The following VPS13B variants were observed in gnomAD, a reference collection of about 807,000 sequenced individuals.
The protein encoded by VPS13B is vacuolar protein sorting 13 homolog B, also known as intermembrane lipid transfer protein VPS13B.
VPS13B carries 285 observed loss-of-function variants against 426.4 expected under a neutral mutation model. The observed-to-expected ratio is 0.67, with a 90% CI of 0.61 to 0.74. VPS13B has a LOEUF of 0.74. Among genes scored for constraint, VPS13B ranks in the 30% least tolerant of loss-of-function variants. The probability of loss-of-function intolerance (pLI) is 0.00; values close to 1 mark genes in which losing one functional copy is unlikely to be tolerated. For synonymous variants in VPS13B, 1,676 were observed against 1,676.4 expected (o/e 1.00, Z 0.01); for missense variants, 4,537 against 4,782.6 (o/e 0.95, Z 1.51).
chr8:99,273,159 G>GTT lies in VPS13B; in HGVS notation c.2516-1022_2516-1021dup, dbSNP rs757322206. ...TTCAGAGAATTTGTTTACTCAGGTAGTTTTTTTTTTTTTTTTTTGAGATGG... is the reference window on the plus strand; with the variant it reads ...TTCAGAGAATTTGTTTACTCAGGTAGTTTTTTTTTTTTTTTTTTTTGAGATGG... On this transcript the variant is annotated intron_variant, in intron 17 of 61. Transcript: ENST00000357162. 8.7e-4 allele frequency among the ~76,000 whole-genome samples: 112 copies of GTT among 129,426 alleles called. 1 individual carries two copies. Among genetic ancestry groups the GTT allele is most frequent in the African/African-American group, 1.4e-3 (49 of 35,454 alleles). The allele number at this position is 129,426 out of a possible 152,430, so 84.9% of individuals were successfully genotyped here.
intron 51 of VPS13B, among the ~76,000 whole-genome samples, chr8:99,824,889 C>G (rs1365526940): frequency 6.6e-6 from 1 of 152,030 alleles, no homozygotes; most frequent in Admixed American, 6.6e-5. Flanking sequence ...CATCCATGTC[C>G]CTGAAAAGGA....
rs1249571800 is a variant in VPS13B, at chr8:99,142,976, T to C, written c.1654T>C (p.Ser552Pro). 6.2e-7 allele frequency: 1 copy of C among 1,612,988 alleles called. No homozygotes were observed. The stretch of plus-strand genomic sequence containing the variant: ...ATATAAAATTTGACTTCTTTTAGGT[T>C]CCACAAATCAACAAGACTTTTCTTC... ...YTMENTSGKG[S>P]TNQQDFSSGK... The change falls in exon 13 of 62, where the codon TCC (serine) becomes CCC (proline). Residue 552 changes from serine (S) to proline (P), a missense_variant and splice_region_variant. Ser to Pro is a moderately conservative substitution (Grantham distance 74, BLOSUM62 -1). Around this residue, in one of 2 missense-constraint regions of VPS13B, gnomAD observed 4,311 missense variants for 4,474.3 expected, o/e 0.96. Coordinates refer to ENST00000357162, the MANE Select transcript of VPS13B (RefSeq NM_152564.5).
intron 17 of VPS13B, chr8:99,240,721 C>T (rs1816880663): frequency 6.6e-6 from 1 of 152,640 alleles, no homozygotes; most frequent in Admixed American, 6.5e-5. Context: ...CTTTCTCCAG[C>T]TATTCTAACA....
intron 32 of VPS13B, 118 bp downstream of exon 32, chr8:99,575,902 G>T: frequency 1.0e-6 from 1 of 993,606 alleles, no homozygotes; most frequent in South Asian, 1.4e-5. Flanking sequence ...TAATAATAAT[G>T]GCTACTATCA....
At chr8:99,063,549 G>A (rs1399654088) in intron 3 of VPS13B, among the ~76,000 whole-genome samples, 1 of 152,210 alleles carries the variant, frequency 6.6e-6, no homozygotes, top group African/African-American at 2.4e-5. Flanking sequence ...GGCTTGAGTA[G>A]GTAAACAAAG....
intron 39 of VPS13B, among the ~76,000 whole-genome samples, chr8:99,752,188 A>AT (rs1231946830): frequency 2.0e-5 from 3 of 152,270 alleles, no homozygotes; most frequent in African/African-American, 4.8e-5. Flanking sequence ...AAAAAAAAAA[A>AT]GTACATTTTA....
In VPS13B at chr8:99,028,511, GCGGGGGGC is replaced by G. The variant is rs1429761895; in HGVS notation, c.148-9911_148-9904del. On this transcript the variant is annotated intron_variant, in intron 2 of 61. Transcript: ENST00000357162. ...CCTCCTGGATGGGGCGGCTGGCCGG[GCGGGGGGC>G]TGACCCCCCCCCCCACCTCCCTCCC... Among the ~76,000 whole-genome samples, 41 of 51,880 alleles carry G rather than the reference GCGGGGGGC, an allele frequency of 7.9e-4. 3 individuals are homozygous for G. Among genetic ancestry groups the G allele is most frequent in the African/African-American group, 3.1e-3 (34 of 11,006 alleles). 34.0% of individuals were successfully genotyped at this position (51,880 alleles called of 152,430 possible).
chr8:99,649,511 T>A (rs780732424), intron 34 of VPS13B, among the ~76,000 whole-genome samples: 1 of 152,136 alleles, frequency 6.6e-6, no homozygotes, highest in African/African-American at 2.4e-5. Flanking sequence ...TAAGAACTTA[T>A]ATTTCAATTC....
chr8:99,772,094 C>G (rs1811526158), intron 40 of VPS13B, among the ~76,000 whole-genome samples: 1 of 152,220 alleles, frequency 6.6e-6, no homozygotes, highest in African/African-American at 2.4e-5. Context: ...CTTGCATACA[C>G]AGTCCCTGAA....
chr8:99,030,101 C>A (rs1210352494), intron 2 of VPS13B, among the ~76,000 whole-genome samples: 5 of 116,956 alleles, frequency 4.3e-5, no homozygotes, highest in Non-Finnish European at 7.2e-5. Flanking sequence ...TATGCTTTGT[C>A]TGTTCTCTTC....
chr8:99,499,301 C>T (rs1821101480), intron 25 of VPS13B, among the ~76,000 whole-genome samples: 1 of 152,100 alleles, frequency 6.6e-6, no homozygotes, highest in African/African-American at 2.4e-5. Flanking sequence ...ACTGAAACTG[C>T]ATGAGGAAGT....
chr8:99,295,006 G>A (rs1021129147), intron 19 of VPS13B, among the ~76,000 whole-genome samples: 32 of 151,954 alleles, frequency 2.1e-4, no homozygotes, highest in Non-Finnish European at 4.4e-5. Context: ...AATATTTGTT[G>A]GTATTAGAAA....
At chr8:99,632,839 T>C (rs2133914147) in intron 33 of VPS13B, among the ~76,000 whole-genome samples, 1 of 152,130 alleles carries the variant, frequency 6.6e-6, no homozygotes, top group Admixed American at 6.6e-5. Context: ...CTAATACAAG[T>C]TTGCAAATGA....
chr8:99,540,927 G>A (rs914311013), intron 30 of VPS13B, among the ~76,000 whole-genome samples: 53 of 152,032 alleles, frequency 3.5e-4, no homozygotes, highest in African/African-American at 1.3e-3. Context: ...TTCTTAAAGT[G>A]TATAGAGTCA....
intron 21 of VPS13B, among the ~76,000 whole-genome samples, chr8:99,420,825 T>C (rs1429024599): frequency 6.6e-6 from 1 of 152,176 alleles, no homozygotes; most frequent in Admixed American, 6.5e-5. Context: ...AGTTACCATT[T>C]CTCAGAGGAA....
chr8:99,608,113 T>C (rs1827679459), intron 33 of VPS13B, among the ~76,000 whole-genome samples: 1 of 152,070 alleles, frequency 6.6e-6, no homozygotes, highest in Non-Finnish European at 1.5e-5. Flanking sequence ...TGATAATGCA[T>C]TAAAACTCAA....
chr8:99,755,851 A>G (rs1195045075), intron 39 of VPS13B, among the ~76,000 whole-genome samples: 2 of 152,008 alleles, frequency 1.3e-5, no homozygotes, highest in Non-Finnish European at 2.9e-5. Flanking sequence ...CCCTTTGTTT[A>G]TTTACAATAA....
chr8:99,484,529 T>C (rs1820198560), intron 25 of VPS13B, among the ~76,000 whole-genome samples: 1 of 152,164 alleles, frequency 6.6e-6, no homozygotes, highest in Admixed American at 6.5e-5. Flanking sequence ...TTAGCTGATT[T>C]GTTTTTCATA....
At chr8:99,674,490 T>C (rs1363111426) in intron 35 of VPS13B, among the ~76,000 whole-genome samples, 2 of 152,122 alleles carry the variant, frequency 1.3e-5, no homozygotes, top group African/African-American at 4.8e-5. Flanking sequence ...GAGTCTCTTG[T>C]AAGCAGCATA....
Sources: gnomAD v4.1 joint callset for allele counts (sites outside exome capture counted in the v4.1 genomes callset) on GRCh38, gnomAD v4.1.1 for gene constraint, gnomAD v4.1.1 regional missense constraint, MANE v1.5 for transcripts, NCBI Gene and HGNC (gene_info 2026-07-23, HGNC 2026-07-21) for gene names.